The following CHSY3 variants were observed in gnomAD, a reference collection of about 807,000 sequenced individuals.
CHSY3 encodes the protein N-acetylgalactosaminyl-proteoglycan 3-beta-glucuronosyltransferase 3.
A neutral mutation model predicts 67.2 loss-of-function variants in CHSY3; 35 were observed. The observed-to-expected ratio is 0.52, with a 90% CI of 0.40 to 0.69. The LOEUF is 0.69. Among genes scored for constraint, CHSY3 ranks in the 30% least tolerant of loss-of-function variants. The probability of loss-of-function intolerance (pLI) is 0.00; values close to 1 mark genes in which losing one functional copy is unlikely to be tolerated. For synonymous variants in CHSY3, 474 were observed against 434.7 expected (o/e 1.09, Z -1.12); for missense variants, 1,069 against 1,138.5 (o/e 0.94, Z 0.88).
chr5:129,990,336 G>T (rs1340682390), intron 2 of CHSY3, among the ~76,000 whole-genome samples: 1 of 151,242 alleles, frequency 6.6e-6, no homozygotes, highest in African/African-American at 2.4e-5. Context: ...TCAAGCAGCT[G>T]GGAAGCATCA....
chr5:129,905,845 C>T (rs1760271069), intron 1 of CHSY3: 2 of 1,071,916 alleles, frequency 1.9e-6, no homozygotes, highest in African/African-American at 1.6e-5. Flanking sequence ...CTCACACCTG[C>T]CTGGCTTTAT....
intron 2 of CHSY3, among the ~76,000 whole-genome samples, chr5:129,984,881 G>A (rs1049434431): frequency 6.6e-6 from 1 of 151,770 alleles, no homozygotes; most frequent in African/African-American, 2.4e-5. Context: ...TTTGTTTTTT[G>A]CTTGTTGATT....
At chr5:130,030,500 T>C (rs1251274177) in intron 2 of CHSY3, among the ~76,000 whole-genome samples, 2 of 152,190 alleles carry the variant, frequency 1.3e-5, no homozygotes. Context: ...AACTCTGATA[T>C]AATACTGGTG....
At chr5:130,083,415 T>C (rs1175941748) in intron 2 of CHSY3, among the ~76,000 whole-genome samples, 1 of 152,060 alleles carries the variant, frequency 6.6e-6, no homozygotes, top group Non-Finnish European at 1.5e-5. Flanking sequence ...TATGGAAATG[T>C]ATGCATAGGA....
chr5:130,111,992 T>C (rs892914488), intron 2 of CHSY3, among the ~76,000 whole-genome samples: 3 of 152,080 alleles, frequency 2.0e-5, no homozygotes, highest in Non-Finnish European at 4.4e-5. Context: ...AGAAAAGAAT[T>C]GGATTAAACA....
At chr5:130,115,389 A>T (rs914998585) in intron 2 of CHSY3, among the ~76,000 whole-genome samples, 8 of 152,156 alleles carry the variant, frequency 5.3e-5, no homozygotes, top group Non-Finnish European at 8.8e-5. Context: ...ACAATTTCAC[A>T]ATTTCCATAT....
intron 2 of CHSY3, among the ~76,000 whole-genome samples, chr5:129,976,538 G>A (rs1376318938): frequency 1.3e-5 from 2 of 152,106 alleles, no homozygotes; most frequent in East Asian, 3.9e-4. Context: ...TTATAAAAGG[G>A]AATGACTGAA....
At chr5:130,166,036 A>G (rs755568235) in intron 2 of CHSY3, among the ~76,000 whole-genome samples, 2 of 152,144 alleles carry the variant, frequency 1.3e-5, no homozygotes, top group Admixed American at 6.5e-5. Flanking sequence ...GTGAAAACAG[A>G]GCCATGAAAA....
chr5:130,093,246 A>G (rs1766938487), intron 2 of CHSY3, among the ~76,000 whole-genome samples: 1 of 152,202 alleles, frequency 6.6e-6, no homozygotes. Flanking sequence ...TCCACAGACT[A>G]TAAGAGAATT....
chr5:130,173,965 T>A (rs970818000), intron 2 of CHSY3, among the ~76,000 whole-genome samples: 2 of 152,046 alleles, frequency 1.3e-5, no homozygotes, highest in Admixed American at 1.3e-4. Context: ...TTACTTAGAA[T>A]TTTTATATTC....
At chr5:129,945,390 T>G (rs1445009417) in intron 2 of CHSY3, among the ~76,000 whole-genome samples, 5 of 152,168 alleles carry the variant, frequency 3.3e-5, no homozygotes, top group African/African-American at 9.7e-5. Context: ...TTGCTTAAAG[T>G]TGTGAGAGAA....
chr5:130,132,397 A>T (rs984294396), intron 2 of CHSY3, among the ~76,000 whole-genome samples: 1 of 152,244 alleles, frequency 6.6e-6, no homozygotes. Context: ...AAACGTGATC[A>T]TGGACCTCAG....
intron 2 of CHSY3, among the ~76,000 whole-genome samples, chr5:130,156,268 G>A (rs1406455938): frequency 6.6e-6 from 1 of 152,186 alleles, no homozygotes; most frequent in Non-Finnish European, 1.5e-5. Flanking sequence ...GAATGAGAGA[G>A]GAGTATGGAT....
Position 130,024,152 on chromosome 5 carries a change from A to AAAAAAAAAAAAAAAAG in CHSY3, c.1086+115794_1086+115795insAAAAAAAAAAAAAGAA. ...GATTGATGGTCAAAAAAAAAAAAAA[A>AAAAAAAAAAAAAAAAG]AAGCCTGTCTTGCTTTTTTAAGGGC... On this transcript the variant is annotated intron_variant, in intron 2 of 2. Transcript: ENST00000305031. Among the ~76,000 whole-genome samples the AAAAAAAAAAAAAAAAG allele has an allele frequency of 3.5e-4, 52 of 150,700 alleles. 1 individual carries two copies. The highest frequency in any genetic ancestry group is 1.2e-3 in the African/African-American group (50 of 40,498).
intron 2 of CHSY3, among the ~76,000 whole-genome samples, chr5:130,020,419 C>CAAAAAAAAA (rs1764334721): frequency 4.0e-5 from 3 of 74,676 alleles, no homozygotes; most frequent in Admixed American, 2.0e-4. Context: ...GACTTCATCT[C>CAAAAAAAAA]AAAATATATA....
intron 2 of CHSY3, among the ~76,000 whole-genome samples, chr5:129,982,069 C>A (rs1763034570): frequency 1.3e-5 from 2 of 152,114 alleles, no homozygotes; most frequent in Middle Eastern, 3.4e-3. Flanking sequence ...GCATACAATT[C>A]TTTTTATACA....
rs78357331 is a variant in CHSY3 at position 130,183,739 on chromosome 5, G to A, written c.1087-490G>A. On this transcript the variant is annotated intron_variant, in intron 2 of 2. Coordinates refer to ENST00000305031, the MANE Select transcript of CHSY3 (RefSeq NM_175856.5). Reference sequence around the variant, plus strand: ...TAGAGTGTGGAATGTTGGTTACCAGGGGCTAAGCCAGCTGGAGAGAGGGGT... The same window carrying A: ...TAGAGTGTGGAATGTTGGTTACCAGAGGCTAAGCCAGCTGGAGAGAGGGGT... 3.3e-5 allele frequency among the ~76,000 whole-genome samples: 5 copies of A among 152,154 alleles called. No individual in the cohort carries two copies. In the East Asian group the frequency reaches 9.7e-4, roughly 29 times the overall value.
At chr5:130,176,184 G>A (rs989293532) in intron 2 of CHSY3, among the ~76,000 whole-genome samples, 10 of 152,038 alleles carry the variant, frequency 6.6e-5, no homozygotes, top group Admixed American at 2.0e-4. Flanking sequence ...CAAAAAGTGG[G>A]CGAAGGATAT....
chr5:129,934,363 T>A (rs754653168), intron 2 of CHSY3, among the ~76,000 whole-genome samples: 3 of 152,182 alleles, frequency 2.0e-5, no homozygotes, highest in Non-Finnish European at 4.4e-5. Context: ...GTGGTTGCCC[T>A]GTTTACTGCA....
Sources: allele counts gnomAD v4.1 joint callset (sites outside exome capture counted in the v4.1 genomes callset), GRCh38; gene constraint gnomAD v4.1.1; transcripts MANE v1.5; gene names NCBI Gene and HGNC (gene_info 2026-07-23, HGNC 2026-07-21).